INSR: variants seen among roughly 807,000 people sequenced by gnomAD.
INSR encodes IR.
In INSR, 67 loss-of-function variants were observed where a neutral mutation model predicts 142.6. The observed-to-expected ratio is 0.47, with a 90% CI of 0.39 to 0.58. The LOEUF (loss-of-function observed/expected upper bound fraction) is 0.58. Among genes scored for constraint, INSR ranks in the 20% least tolerant of loss-of-function variants. The pLI, the probability that INSR is intolerant of heterozygous loss-of-function variation, is 0.00. For missense variants in INSR, 1,248 were observed against 1,833.2 expected (o/e 0.68, Z 5.83); for synonymous variants, 756 against 743.1 (o/e 1.02, Z -0.28).
rs746613168 is a variant in INSR at position 7,267,415 on chromosome 19, G to A, written c.582C>T (p.Thr194=). The stretch of plus-strand genomic sequence containing the variant: ...CGTTGATGACGGTGGCGGGGCAGTT[G>A]GTCTTGCCCTTCGCGGTACCCGGAC... ...DICPGTAKGK[T]NCPATVINGQ... The change falls in exon 2 of 22, where the codon ACC becomes ACT. Residue 194 remains threonine (T), a synonymous_variant. Coordinates refer to ENST00000302850, the MANE Select transcript of INSR (RefSeq NM_000208.4). The surrounding 1 kb of genome is among the most constrained non-coding windows in gnomAD (Gnocchi z 6.3). The A allele has an allele frequency of 5.6e-6, 9 of 1,614,124 alleles. No individual in the cohort carries two copies. In the East Asian group the frequency reaches 1.6e-4, roughly 28 times the overall value.
chr19:7,121,971 C>T (rs910070967), intron 19 of INSR, among the ~76,000 whole-genome samples: 2 of 151,860 alleles, frequency 1.3e-5, no homozygotes, highest in East Asian at 1.9e-4. Context: ...AGTGAAACTC[C>T]GTCTCTACTA....
chr19:7,152,980 T>TAC lies in INSR; in HGVS notation c.2030-55_2030-54dup, dbSNP rs1219640798. 5.2e-4 allele frequency: 522 copies of TAC among 1,005,670 alleles called. 7 individuals are homozygous for TAC. The highest frequency in any genetic ancestry group is 3.1e-3 in the African/African-American group (156 of 50,350). 62.3% of individuals were successfully genotyped at this position (1,005,670 alleles called of 1,614,324 possible). A position where few individuals can be genotyped will look rare whatever the true frequency, so the allele number is the denominator to read the frequency against. On this transcript the variant is annotated intron_variant, in intron 9 of 21. Coordinates refer to ENST00000302850, the MANE Select transcript of INSR (RefSeq NM_000208.4). ...TCAAGTCTCTGCGGCTGAACACACA[T>TAC]ACACACACACACACACCCCACACAC...
At chr19:7,289,747 G>C (rs1968442277) in intron 1 of INSR, among the ~76,000 whole-genome samples, 1 of 152,192 alleles carries the variant, frequency 6.6e-6, no homozygotes, top group South Asian at 2.1e-4. Flanking sequence ...CAAGAGCCCA[G>C]ATGGGTAAAT....
chr19:7,258,527 G>T (rs563646336), intron 2 of INSR, among the ~76,000 whole-genome samples: 1 of 149,626 alleles, frequency 6.7e-6, no homozygotes, highest in Admixed American at 6.7e-5. Context: ...AAGGCCTTAC[G>T]TCAGACAAGT....
At position 7,166,147 on chromosome 19, in the gene INSR, C is replaced by A. The variant is rs777011657; in HGVS notation, c.1861+7G>T. 1 of 1,613,978 alleles carries A rather than the reference C, an allele frequency of 6.2e-7. No individual in the cohort carries two copies. The highest frequency in any genetic ancestry group is 1.7e-5 in the Admixed American group (1 of 60,000). ...CATACGAATTCACATTCCCAAGACA[C>A]ACTCACTGGTGGCATCTGTCTGGAC... On this transcript the variant is annotated splice_region_variant and intron_variant, in intron 8 of 21. Coordinates refer to ENST00000302850, the MANE Select transcript of INSR (RefSeq NM_000208.4). The surrounding 1 kb of genome is among the most constrained non-coding windows in gnomAD (Gnocchi z 4.1).
intron 2 of INSR, among the ~76,000 whole-genome samples, chr19:7,207,581 C>CAAAAA (rs59695609): frequency 6.6e-6 from 1 of 150,782 alleles, no homozygotes. Flanking sequence ...GCAACCATCT[C>CAAAAA]AAAAAACAAC....
rs776752493 is a variant in INSR, at chr19:7,192,525, A to G, written c.653-7888T>C. 2.0e-5 allele frequency among the ~76,000 whole-genome samples: 3 copies of G among 152,142 alleles called. No individual in the cohort carries two copies. The highest frequency in any genetic ancestry group is 4.8e-5 in the African/African-American group (2 of 41,414). On this transcript the variant is annotated intron_variant, in intron 2 of 21. Coordinates refer to ENST00000302850, the MANE Select transcript of INSR (RefSeq NM_000208.4). This position sits in a 1 kb window ranked among gnomAD's most constrained non-coding sequence, Gnocchi z 4.2. ...CCCTCATTGACACGTAATGAGCCCA[A>G]GTGTCCGTTCCTGCCCAAATTCTGG...
chr19:7,130,522 T>TC (rs1972749576), intron 14 of INSR, among the ~76,000 whole-genome samples: 1 of 152,204 alleles, frequency 6.6e-6, no homozygotes, highest in Admixed American at 6.5e-5. Context: ...GTTAGCAACA[T>TC]CCCTACTGGG....
At chr19:7,210,774 G>A (rs1975251454) in intron 2 of INSR, among the ~76,000 whole-genome samples, 1 of 152,148 alleles carries the variant, frequency 6.6e-6, no homozygotes, top group Admixed American at 6.6e-5. Context: ...CTGTGGCCCA[G>A]GCTGGAGTGC....
intron 6 of INSR, among the ~76,000 whole-genome samples, chr19:7,170,038 A>G (rs774300039): frequency 3.9e-5 from 6 of 152,094 alleles, no homozygotes; most frequent in Admixed American, 6.6e-5. Flanking sequence ...ACCAGTACTT[A>G]TCCATGGCCT....
intron 2 of INSR, among the ~76,000 whole-genome samples, chr19:7,212,067 T>C (rs767692435): frequency 5.0e-5 from 7 of 140,512 alleles, no homozygotes; most frequent in Non-Finnish European, 8.8e-5. Context: ...GGCCGTCTTG[T>C]ACATTGCAGG....
At position 7,142,805 on chromosome 19, in the gene INSR, A is replaced by C; in HGVS notation, c.2542+11T>G. The C allele has an allele frequency of 6.2e-7, 1 of 1,613,806 alleles. No homozygotes were observed. ...ACCCATGACACTCGGACCCCGGAGCAGCAGCCCTACCTTCAGGCATGGTCC... is the reference window on the plus strand; with the variant it reads ...ACCCATGACACTCGGACCCCGGAGCCGCAGCCCTACCTTCAGGCATGGTCC... On this transcript the variant is annotated intron_variant, in intron 12 of 21. Transcript: ENST00000302850.
chr19:7,122,887 C>T lies in INSR; in HGVS notation c.3361G>A (p.Glu1121Lys). The T allele has an allele frequency of 6.2e-7, 1 of 1,609,420 alleles. No homozygotes were observed. The highest frequency in any genetic ancestry group is 8.5e-7 in the Non-Finnish European group (1 of 1,178,452). ...CCCCCGAAGCAGCTTACCTCAGCCT[C>T]TGGCCGCAGAGAACGGAGGTAGCTC... is the stretch of plus-strand genomic sequence containing the variant. ...LKSYLRSLRP[E>K]AENNPGRPPP... The change falls in exon 18 of 22, where the codon GAG (glutamate) becomes AAG (lysine). Residue 1121 changes from glutamate (E) to lysine (K), a missense_variant. Coordinates refer to ENST00000302850, the MANE Select transcript of INSR (RefSeq NM_000208.4).
At chr19:7,151,581 T>C (rs12710100) in intron 10 of INSR, among the ~76,000 whole-genome samples, 140,328 of 151,898 alleles carry the variant, frequency 0.92, 64,875 homozygotes, top group East Asian at 1. Context: ...CCACTGTGCC[T>C]AGCCAACATT....
chr19:7,194,310 G>C (rs541236080), intron 2 of INSR, among the ~76,000 whole-genome samples: 1 of 151,968 alleles, frequency 6.6e-6, no homozygotes, highest in African/African-American at 2.4e-5. Flanking sequence ...CCAGCTACTT[G>C]GGAGGCTGAG....
At chr19:7,283,601 G>T (rs534259447) in intron 1 of INSR, among the ~76,000 whole-genome samples, 1 of 152,088 alleles carries the variant, frequency 6.6e-6, no homozygotes, top group Admixed American at 6.6e-5. Context: ...CACCGTGCTC[G>T]GCTAATTTTT....
chr19:7,184,175 A>C, intron 3 of INSR, 141 bp downstream of exon 3: 1 of 741,854 alleles, frequency 1.3e-6, no homozygotes. Flanking sequence ...CAGGGTGCAA[A>C]AGTAGCATCT....
chr19:7,280,026 G>A (rs1320511570), intron 1 of INSR, among the ~76,000 whole-genome samples: 3 of 152,056 alleles, frequency 2.0e-5, no homozygotes, highest in African/African-American at 7.2e-5. Context: ...AGCACTTTGG[G>A]AGGCCGAGGC....
At chr19:7,241,960 T>C (rs1568212440) in intron 2 of INSR, among the ~76,000 whole-genome samples, 1 of 151,626 alleles carries the variant, frequency 6.6e-6, no homozygotes, top group Non-Finnish European at 1.5e-5. Context: ...AGTTCGGGAC[T>C]GGCCAACATG....
Sources: allele counts gnomAD v4.1 joint callset (sites outside exome capture counted in the v4.1 genomes callset), GRCh38; gene constraint gnomAD v4.1.1; non-coding constraint Gnocchi (gnomAD v3.1); transcripts MANE v1.5; gene names NCBI Gene and HGNC (gene_info 2026-07-23, HGNC 2026-07-21).